The following GLYATL3 variants were observed in gnomAD, a reference collection of about 807,000 sequenced individuals.
The protein encoded by GLYATL3 is glycine N-acyltransferase-like protein 3.
In GLYATL3, 31 loss-of-function variants were observed where a neutral mutation model predicts 28.5. The ratio of observed to expected loss-of-function variants is 1.09; its 90% CI spans 0.82 to 1.47. The LOEUF (loss-of-function observed/expected upper bound fraction) is 1.47, where lower values mean the gene tolerates loss of function less well. Ranked by LOEUF, GLYATL3 falls within the 40% of genes most tolerant of loss-of-function variation. GLYATL3 has a pLI of 0.00. For synonymous variants in GLYATL3, 141 were observed against 140.2 expected (o/e 1.01, Z -0.04); for missense variants, 369 against 351.5 (o/e 1.05, Z -0.40).
chr6:49,513,323 C>T (rs1769155625), intron 2 of GLYATL3, among the ~76,000 whole-genome samples: 1 of 152,072 alleles, frequency 6.6e-6, no homozygotes, highest in Non-Finnish European at 1.5e-5. Flanking sequence ...TGATATCCTT[C>T]TAGCCACACC....
At chr6:49,517,753 T>A (rs1025982881) in intron 4 of GLYATL3, among the ~76,000 whole-genome samples, 197 bp downstream of exon 4, 16 of 152,286 alleles carry the variant, frequency 1.1e-4, no homozygotes, top group Non-Finnish European at 1.5e-4. Flanking sequence ...CATTTGTCAC[T>A]TCTAATGAGG....
intron 1 of GLYATL3, among the ~76,000 whole-genome samples, chr6:49,510,711 C>A (rs1769106988): frequency 6.6e-6 from 1 of 152,044 alleles, no homozygotes; most frequent in South Asian, 2.1e-4. Context: ...GAAACTAGAT[C>A]TTTTCAAAGT....
At chr6:49,512,256 TTACA>T (rs1769134787) in intron 2 of GLYATL3, among the ~76,000 whole-genome samples, 188 bp downstream of exon 2, 1 of 148,816 alleles carries the variant, frequency 6.7e-6, no homozygotes, top group African/African-American at 2.5e-5. Flanking sequence ...GCCCAGGGAA[TTACA>T]CTTTTCTTTT....
intron 4 of GLYATL3, among the ~76,000 whole-genome samples, chr6:49,519,005 A>G (rs938671731): frequency 1.3e-5 from 2 of 152,142 alleles, no homozygotes; most frequent in African/African-American, 4.8e-5. Context: ...GCTCTAAACT[A>G]TCTCTCACCT....
In GLYATL3 at chr6:49,526,909, C is replaced by T; in HGVS notation, c.862C>T (p.Leu288Phe). ...TGCGACTTTCTCTGGCCTGCCTCAC[C>T]TCTAGCCCAGTAAAAAACTGCAGTG... ...TPATFSGLPH[L>F] is the part of the protein sequence containing the mutation. The change falls in exon 6 of 6, where the codon CTC becomes TTC. Residue 288 changes from leucine to phenylalanine, a missense_variant. Physicochemically the swap from Leu to Phe is conservative, Grantham distance 22 (BLOSUM62 0). Coordinates refer to ENST00000371197, the MANE Select transcript of GLYATL3 (RefSeq NM_001010904.2). The T allele has an allele frequency of 6.6e-7, 1 of 1,507,230 alleles. No homozygotes were observed. Among genetic ancestry groups the T allele is most frequent in the Non-Finnish European group, 8.9e-7 (1 of 1,125,324 alleles). The allele number at this position is 1,507,230 out of a possible 1,614,324, so 93.4% of individuals were successfully genotyped here. A position where few individuals can be genotyped will look rare whatever the true frequency, so the allele number is the denominator to read the frequency against.
chr6:49,513,158 T>TG, intron 2 of GLYATL3, among the ~76,000 whole-genome samples: 1 of 152,316 alleles, frequency 6.6e-6, no homozygotes, highest in South Asian at 2.1e-4. Context: ...GTTAGAGAAT[T>TG]AAAATATTAA....
At chr6:49,504,977 G>A (rs187489875) in intron 1 of GLYATL3, among the ~76,000 whole-genome samples, 15 of 152,294 alleles carry the variant, frequency 9.8e-5, no homozygotes, top group East Asian at 5.8e-4. Flanking sequence ...GAAAGGCCTC[G>A]GGGATTAACT....
intron 4 of GLYATL3, among the ~76,000 whole-genome samples, chr6:49,519,186 GGC>G (rs1769271404): frequency 6.6e-6 from 1 of 151,996 alleles, no homozygotes; most frequent in African/African-American, 2.4e-5. Context: ...TGGTGCTAGA[GGC>G]CTATTATCAC....
chr6:49,519,224 T>C (rs945272309), intron 4 of GLYATL3, among the ~76,000 whole-genome samples: 17 of 152,302 alleles, frequency 1.1e-4, no homozygotes, highest in African/African-American at 4.1e-4. Flanking sequence ...CATCATTATA[T>C]AGAAAAAAGT....
At chr6:49,517,403 T>C (rs1270987556) in intron 3 of GLYATL3, 27 bp from the exon 4 acceptor site, 6 of 1,498,298 alleles carry the variant, frequency 4.0e-6, no homozygotes, top group African/African-American at 1.4e-5. Flanking sequence ...TACGTTTATG[T>C]TTTTGTGATT....
intron 5 of GLYATL3, among the ~76,000 whole-genome samples, chr6:49,526,137 C>T (rs1769407020): frequency 6.6e-6 from 1 of 152,010 alleles, no homozygotes; most frequent in Non-Finnish European, 1.5e-5. Context: ...AGTTATAGGT[C>T]GGGCATGGTG....
chr6:49,519,209 C>T (rs1450419949), intron 4 of GLYATL3, among the ~76,000 whole-genome samples: 2 of 152,148 alleles, frequency 1.3e-5, no homozygotes, highest in African/African-American at 4.8e-5. Context: ...TAAATCACCT[C>T]AATCCATCAT....
At chr6:49,510,043 TTTA>T (rs1769091124) in intron 1 of GLYATL3, among the ~76,000 whole-genome samples, 1 of 147,428 alleles carries the variant, frequency 6.8e-6, no homozygotes, top group South Asian at 2.2e-4. Context: ...TATTTATTTA[TTTA>T]TTTTTTTGAC....
chr6:49,504,618 CT>C (rs1325084102), intron 1 of GLYATL3, among the ~76,000 whole-genome samples: 4 of 152,046 alleles, frequency 2.6e-5, no homozygotes, highest in African/African-American at 9.7e-5. Context: ...CCTTATCCCC[CT>C]GTTTTTGTTT....
chr6:49,521,831 CA>C, intron 5 of GLYATL3, 60 bp downstream of exon 5: 1 of 1,430,042 alleles, frequency 7.0e-7, no homozygotes, highest in Non-Finnish European at 9.5e-7. Context: ...GTACACGTAG[CA>C]GTAACTGGGG....
chr6:49,500,985 C>G (rs987901311), intron 1 of GLYATL3, among the ~76,000 whole-genome samples: 3 of 152,242 alleles, frequency 2.0e-5, no homozygotes, highest in Non-Finnish European at 4.4e-5. Flanking sequence ...GTAGTGTCCT[C>G]TCTGCATGAA....
chr6:49,515,093 C>T (rs961727456), intron 2 of GLYATL3, among the ~76,000 whole-genome samples: 1 of 152,104 alleles, frequency 6.6e-6, no homozygotes, highest in Non-Finnish European at 1.5e-5. Flanking sequence ...CTTATAGAGC[C>T]TTGCTCCATC....
chr6:49,512,284 C>CTT (rs1239062856), intron 2 of GLYATL3, among the ~76,000 whole-genome samples: 6 of 121,538 alleles, frequency 4.9e-5, no homozygotes, highest in African/African-American at 1.5e-4. Context: ...TTTTTTCTTT[C>CTT]TTTTTTTTTT....
At chr6:49,513,676 A>G (rs1769161497) in intron 2 of GLYATL3, among the ~76,000 whole-genome samples, 1 of 152,214 alleles carries the variant, frequency 6.6e-6, no homozygotes, top group African/African-American at 2.4e-5. Flanking sequence ...AGGGTGATCC[A>G]TGTTACACAA....
Sources: allele counts gnomAD v4.1 joint callset (sites outside exome capture counted in the v4.1 genomes callset), GRCh38; gene constraint gnomAD v4.1.1; transcripts MANE v1.5; gene names NCBI Gene and HGNC (gene_info 2026-07-23, HGNC 2026-07-21).